The following TBC1D31 variants were observed in gnomAD, a reference collection of about 807,000 sequenced individuals.
The protein encoded by TBC1D31 is TBC1 domain family member 31.
Under a neutral mutation model 132.9 loss-of-function variants are expected in TBC1D31, and 99 were observed. That is an observed-to-expected ratio of 0.74 (90% confidence interval 0.63 to 0.88). The LOEUF is 0.88. TBC1D31 is among the 40% of genes least tolerant of loss of function. The pLI is 0.00. For missense variants in TBC1D31, 1,134 were observed against 1,256.6 expected (o/e 0.90, Z 1.48); for synonymous variants, 385 against 419.4 (o/e 0.92, Z 1.00).
At chr8:123,119,936 C>T in intron 10 of TBC1D31, 119 bp from the exon 11 acceptor site, 1 of 792,852 alleles carries the variant, frequency 1.3e-6, no homozygotes, top group Admixed American at 3.4e-5. Context: ...GAGAGGTGAA[C>T]TAGATGATAG....
At chr8:123,123,877 C>A (rs1819741779) in intron 11 of TBC1D31, among the ~76,000 whole-genome samples, 1 of 152,068 alleles carries the variant, frequency 6.6e-6, no homozygotes, top group South Asian at 2.1e-4. Context: ...GTGATATTTT[C>A]AATAGGATTA....
rs1449934235 is a variant in TBC1D31, at chr8:123,142,255, T to G, written c.2641-7T>G. On this transcript the variant is annotated splice_polypyrimidine_tract_variant and splice_region_variant and intron_variant, in intron 18 of 21. Transcript: ENST00000287380. ...CCTTGTTTCTGAAATGTATAACTTT[T>G]TCCTAGGTGATTAAAGAAAATTTGG... The G allele has an allele frequency of 6.4e-7, 1 of 1,562,806 alleles. No individual in the cohort carries two copies.
rs1332282383 is a variant in TBC1D31 at position 123,142,428 on chromosome 8, A to AT, written c.2808dup (p.Ala937CysfsTer14). The AT allele has an allele frequency of 6.3e-7, 1 of 1,597,176 alleles. No homozygotes were observed. Among genetic ancestry groups the AT allele is most frequent in the Non-Finnish European group, 8.5e-7 (1 of 1,173,528 alleles). On this transcript the variant is annotated frameshift_variant, in exon 19 of 22. Coordinates refer to ENST00000287380, the MANE Select transcript of TBC1D31 (RefSeq NM_145647.4). LOFTEE classifies it high-confidence loss of function. ...AGAAGGAAAGAAATAGAGATAATAA[A>AT]TGCAATGGTGGAGGAGGAAGCCAAG...
At chr8:123,082,022 C>T (rs749931156) in intron 2 of TBC1D31, among the ~76,000 whole-genome samples, 7 of 152,178 alleles carry the variant, frequency 4.6e-5, no homozygotes, top group African/African-American at 7.2e-5. Flanking sequence ...ATTTAAATTA[C>T]GTATGTAGCC....
At chr8:123,077,995 C>A (rs1277150684) in intron 2 of TBC1D31, among the ~76,000 whole-genome samples, 1 of 151,846 alleles carries the variant, frequency 6.6e-6, no homozygotes, top group African/African-American at 2.4e-5. Flanking sequence ...TTTCAGTGAG[C>A]CGAGATCGTG....
intron 14 of TBC1D31, 49 bp downstream of exon 14, chr8:123,128,562 A>T (rs1820309881): frequency 8.0e-7 from 1 of 1,248,822 alleles, no homozygotes; most frequent in Non-Finnish European, 1.1e-6. Context: ...AATATGTTAT[A>T]AACATAAGAA....
chr8:123,114,045 CTATA>C (rs1818693066), intron 10 of TBC1D31, among the ~76,000 whole-genome samples: 1 of 152,016 alleles, frequency 6.6e-6, no homozygotes, highest in South Asian at 2.1e-4. Flanking sequence ...GGTGTTGTGA[CTATA>C]TAAGAAAATC....
chr8:123,152,838 T>C (rs1426163113), downstream of TBC1D31, among the ~76,000 whole-genome samples: 2 of 152,116 alleles, frequency 1.3e-5, no homozygotes, highest in Non-Finnish European at 2.9e-5. Flanking sequence ...GCCACCGCAC[T>C]CCAGCCTGGG....
chr8:123,164,698 G>A, the TBC1D31 span, among the ~76,000 whole-genome samples: 2 of 149,400 alleles, frequency 1.3e-5, no homozygotes, highest in East Asian at 4.0e-4. Flanking sequence ...CTGCAGCCTG[G>A]GCAACAGAGC....
intron 19 of TBC1D31, 57 bp downstream of exon 19, chr8:123,142,513 TAAAAGACAGAGTCTCAC>T (rs1821807031): frequency 1.7e-6 from 2 of 1,204,904 alleles, no homozygotes; most frequent in Non-Finnish European, 2.2e-6. Context: ...TTTTTTTTTT[TAAAAGACAGAGTCTCAC>T]TTTGTTGTAC....
Position 123,125,209 on chromosome 8 carries a change from T to G in TBC1D31, c.1571-847T>G, listed in dbSNP as rs556931884. On this transcript the variant is annotated intron_variant, in intron 11 of 21. Coordinates refer to ENST00000287380, the MANE Select transcript of TBC1D31 (RefSeq NM_145647.4). Reference sequence around the variant, plus strand: ...TCAATATTTAAAATTAAAAAAATTTTAAAATTAAGTTAAACATAGTCTTAT... The same window carrying G: ...TCAATATTTAAAATTAAAAAAATTTGAAAATTAAGTTAAACATAGTCTTAT... Among the ~76,000 whole-genome samples the G allele has an allele frequency of 2.0e-5, 3 of 152,330 alleles. No homozygotes were observed. The South Asian group carries it at 6.2e-4, about 32-fold the overall frequency.
chr8:123,073,770 C>A (rs1814179124), intron 1 of TBC1D31, among the ~76,000 whole-genome samples: 1 of 152,080 alleles, frequency 6.6e-6, no homozygotes, highest in African/African-American at 2.4e-5. Flanking sequence ...ACTGCATCCT[C>A]CACCTCCCGA....
At position 123,144,805 on chromosome 8, in the gene TBC1D31, A is replaced by T. The variant is rs760084698; in HGVS notation, c.2924A>T (p.Lys975Met). 6.2e-7 allele frequency: 1 copy of T among 1,613,960 alleles called. No homozygotes were observed. Among genetic ancestry groups the T allele is most frequent in the Non-Finnish European group, 8.5e-7 (1 of 1,179,984 alleles). ...GATGCGTCTAGAAAGTGGTTTTTAA[A>T]GCAAGAGATAAATGCGGCTGTAGAA... ...LSDASRKWFL[K>M]QEINAAVEHA... Residue 975 changes from lysine to methionine, a missense_variant, in exon 20 of 22, where the codon AAG becomes ATG. Coordinates refer to ENST00000287380, the MANE Select transcript of TBC1D31 (RefSeq NM_145647.4).
At chr8:123,133,152 A>T (rs972396472) in intron 16 of TBC1D31, among the ~76,000 whole-genome samples, 5 of 152,266 alleles carry the variant, frequency 3.3e-5, no homozygotes, top group Non-Finnish European at 7.3e-5. Context: ...GTGACTGTGA[A>T]CATCTGTTAG....
At chr8:123,136,951 T>C (rs1476106905) in intron 17 of TBC1D31, among the ~76,000 whole-genome samples, 1 of 152,238 alleles carries the variant, frequency 6.6e-6, no homozygotes, top group Non-Finnish European at 1.5e-5. Flanking sequence ...CTTTTTCAAA[T>C]TGGCTGTAGT....
intron 16 of TBC1D31, among the ~76,000 whole-genome samples, chr8:123,132,403 CTTTT>C (rs34901750): frequency 1.4e-3 from 79 of 55,420 alleles, no homozygotes; most frequent in African/African-American, 5.5e-3. Context: ...TTTTTTAAGT[CTTTT>C]TTTTTTTTTT....
intron 16 of TBC1D31, among the ~76,000 whole-genome samples, chr8:123,133,704 G>T (rs1050426558): frequency 6.6e-6 from 1 of 152,162 alleles, no homozygotes; most frequent in Admixed American, 6.6e-5. Context: ...TTTAAACCTA[G>T]AATTGTTAAT....
At chr8:123,161,039 G>A in the TBC1D31 span, among the ~76,000 whole-genome samples, 1 of 152,146 alleles carries the variant, frequency 6.6e-6, no homozygotes, top group South Asian at 2.1e-4. Context: ...GCAGATGAGG[G>A]AGTGGGGCCG....
At chr8:123,138,563 C>T (rs903413872) in intron 17 of TBC1D31, among the ~76,000 whole-genome samples, 5 of 152,170 alleles carry the variant, frequency 3.3e-5, no homozygotes, top group African/African-American at 1.2e-4. Flanking sequence ...CTCCCAACTA[C>T]TGTACCTGTT....
Sources: allele counts gnomAD v4.1 joint callset (sites outside exome capture counted in the v4.1 genomes callset), GRCh38; gene constraint gnomAD v4.1.1; transcripts MANE v1.5; gene names NCBI Gene and HGNC (gene_info 2026-07-23, HGNC 2026-07-21).